The following NDUFS7 variants were observed in gnomAD, a reference collection of about 807,000 sequenced individuals.
The protein encoded by NDUFS7 is NADH:ubiquinone oxidoreductase core subunit S7.
Under a neutral mutation model 31.1 loss-of-function variants are expected in NDUFS7, and 11 were observed. That is an observed-to-expected ratio of 0.35 (90% CI 0.22 to 0.59). NDUFS7 has a LOEUF of 0.59. Ranked by LOEUF, NDUFS7 falls within the 20% of genes least tolerant of loss-of-function variation. The pLI is 0.79. For missense variants in NDUFS7, 263 were observed against 324.2 expected (o/e 0.81, Z 1.45); for synonymous variants, 136 against 127.9 (o/e 1.06, Z -0.43).
chr19:1,387,580 G>A (rs931114042), intron 1 of NDUFS7, among the ~76,000 whole-genome samples: 12 of 152,176 alleles, frequency 7.9e-5, no homozygotes, highest in African/African-American at 2.7e-4. Flanking sequence ...TCGCCAGGGC[G>A]GGGAGACGGG....
At chr19:1,395,154 G>T in intron 7 of NDUFS7, 2 of 1,409,510 alleles carry the variant, frequency 1.4e-6, no homozygotes, top group Non-Finnish European at 1.8e-6. Context: ...GTGACAGCCC[G>T]GGATGAGCCA....
chr19:1,391,962 C>T (rs2082560978), intron 6 of NDUFS7: 1 of 152,198 alleles, frequency 6.6e-6, no homozygotes, highest in Admixed American at 6.6e-5. Flanking sequence ...GATTCTCCTG[C>T]CTCAGCCTCC....
intron 7 of NDUFS7, chr19:1,394,254 C>G: frequency 1.3e-6 from 1 of 779,504 alleles, no homozygotes; most frequent in Non-Finnish European, 1.9e-6. Flanking sequence ...TTCAGGTCAC[C>G]CCGGGGGCAG....
rs781397518 is a variant in NDUFS7, at chr19:1,388,851, A to G, written c.141A>G (p.Pro47=). The G allele has an allele frequency of 6.2e-7, 1 of 1,603,550 alleles. No individual in the cohort carries two copies. Among genetic ancestry groups the G allele is most frequent in the South Asian group, 1.1e-5 (1 of 89,094 alleles). ...DGPSSTQPAL[P]KARAVAPKPS... ...GTGCCAGCACCCAGCCTGCCCTGCC[A>G]AAGGCCAGAGCCGTGGCTCCCAAAC... Residue 47 remains proline, a synonymous_variant, in exon 4 of 8, where the codon CCA becomes CCG. Transcript: ENST00000233627.
intron 6 of NDUFS7, chr19:1,392,038 G>T (rs2082561465): frequency 6.6e-6 from 1 of 152,004 alleles, no homozygotes; most frequent in Non-Finnish European, 1.5e-5. Context: ...TAGTAAAGAA[G>T]AGGTTTCACC....
chr19:1,389,241 G>GCACA, intron 4 of NDUFS7: 1 of 657,866 alleles, frequency 1.5e-6, no homozygotes, highest in South Asian at 1.5e-5. Context: ...TTGCACTCAT[G>GCACA]CACACTCATG....
At chr19:1,388,366 G>A (rs947720805) in intron 2 of NDUFS7, 159 bp from the exon 3 acceptor site, 7 of 702,280 alleles carry the variant, frequency 1.0e-5, no homozygotes, top group African/African-American at 1.7e-5. Context: ...GGCGATGGCC[G>A]CATGGCTCCA....
At chr19:1,394,434 C>T (rs2082578464) in intron 7 of NDUFS7, 3 of 1,278,468 alleles carry the variant, frequency 2.3e-6, no homozygotes, top group Non-Finnish European at 3.0e-6. Context: ...CTCCTCCCTC[C>T]CTGGGGACCG....
rs2082549490 is a variant in NDUFS7, at chr19:1,390,777, A to G, written c.229-94A>G. ...CCTCTGCCGGCTGCCGCCCCGGGAC[A>G]TGAGTCGGGGGTTCTGGGTGCTCCA... On this transcript the variant is annotated intron_variant, in intron 4 of 7. Coordinates refer to ENST00000233627, the MANE Select transcript of NDUFS7 (RefSeq NM_024407.5). The G allele has an allele frequency of 7.0e-6, 10 of 1,427,978 alleles. No homozygotes were observed. The South Asian group carries it at 9.6e-5, about 14-fold the overall frequency. The allele number at this position is 1,427,978 out of a possible 1,614,324, so 88.5% of individuals were successfully genotyped here.
chr19:1,384,390 G>T (rs1380378444), intron 1 of NDUFS7, among the ~76,000 whole-genome samples: 1 of 152,218 alleles, frequency 6.6e-6, no homozygotes, highest in Non-Finnish European at 1.5e-5. Context: ...CACCCTGCTG[G>T]ACCCTCCACC....
Position 1,390,856 on chromosome 19 carries a change from G to A in NDUFS7, c.229-15G>A, listed in dbSNP as rs762472304. 6.2e-7 allele frequency: 1 copy of A among 1,605,046 alleles called. No homozygotes were observed. The highest frequency in any genetic ancestry group is 2.2e-5 in the East Asian group (1 of 44,846). On this transcript the variant is annotated splice_polypyrimidine_tract_variant and intron_variant, in intron 4 of 7. Coordinates refer to ENST00000233627, the MANE Select transcript of NDUFS7 (RefSeq NM_024407.5). ...GCTCCGGGGGTGGCGTCTGACCCGAGCCCGGCCTCCGCAGAGTTCTCTGTG... is the reference window on the plus strand; with the variant it reads ...GCTCCGGGGGTGGCGTCTGACCCGAACCCGGCCTCCGCAGAGTTCTCTGTG...
chr19:1,390,445 T>G, intron 4 of NDUFS7: 22 of 239,450 alleles, frequency 9.2e-5, no homozygotes, highest in South Asian at 1.6e-4. Context: ...GGGGAGGGAG[T>G]GGCCAAGGAG....
intron 7 of NDUFS7, chr19:1,394,853 C>T: frequency 8.7e-7 from 1 of 1,151,098 alleles, no homozygotes; most frequent in Non-Finnish European, 1.1e-6. Flanking sequence ...CGTCCTCTTG[C>T]TCAAGCCCTT....
chr19:1,387,723 G>C, intron 1 of NDUFS7, 88 bp from the exon 2 acceptor site: 1 of 1,221,484 alleles, frequency 8.2e-7, no homozygotes, highest in Admixed American at 1.7e-5. Flanking sequence ...TAGGCTGTGC[G>C]GGCAGGAGCC....
At chr19:1,389,274 C>T (rs929208680) in intron 4 of NDUFS7, 2 of 606,884 alleles carry the variant, frequency 3.3e-6, no homozygotes, top group Admixed American at 4.3e-5. Context: ...CATGCACACG[C>T]ACACTCGCAC....
At chr19:1,388,709 A>T in intron 3 of NDUFS7, 116 bp downstream of exon 3, 1 of 1,413,536 alleles carries the variant, frequency 7.1e-7, no homozygotes, top group Non-Finnish European at 9.8e-7. Context: ...GGAGGGGGTC[A>T]CACATCCCAG....
At chr19:1,391,448 T>C (rs976942684) in intron 6 of NDUFS7, among the ~76,000 whole-genome samples, 3 of 151,950 alleles carry the variant, frequency 2.0e-5, no homozygotes, top group Admixed American at 1.3e-4. Context: ...TAGATAGTTT[T>C]ATAATCTCAG....
intron 7 of NDUFS7, 169 bp from the exon 8 acceptor site, chr19:1,395,222 C>G: frequency 1.4e-6 from 2 of 1,431,762 alleles, no homozygotes; most frequent in African/African-American, 2.9e-5. Context: ...CTGCAGGGAC[C>G]TCCCCTGCGC....
At chr19:1,392,795 T>C in intron 6 of NDUFS7, 2 of 238,092 alleles carry the variant, frequency 8.4e-6, no homozygotes, top group Non-Finnish European at 1.7e-5. Flanking sequence ...GTGCTGGGAG[T>C]GGAGTCTGTG....
Sources: allele counts gnomAD v4.1 joint callset (sites outside exome capture counted in the v4.1 genomes callset), GRCh38; gene constraint gnomAD v4.1.1; transcripts MANE v1.5; gene names NCBI Gene and HGNC (gene_info 2026-07-23, HGNC 2026-07-21).